KCNN2: variants seen among roughly 807,000 people sequenced by gnomAD.
The protein encoded by KCNN2 is small conductance calcium-activated potassium channel protein 2.
Under a neutral mutation model 55.5 loss-of-function variants are expected in KCNN2, and 24 were observed. The ratio of observed to expected loss-of-function variants is 0.43; its 90% CI spans 0.31 to 0.61. The LOEUF is 0.61. Among genes scored for constraint, KCNN2 ranks in the 20% least tolerant of loss-of-function variants. KCNN2 has a pLI of 0.08. For missense variants in KCNN2, 754 were observed against 853.6 expected, an observed-to-expected ratio of 0.88 and a Z score of 1.45; for synonymous variants, 431 against 336.1, an observed-to-expected ratio of 1.28 and a Z score of -3.09.
intron 1 of KCNN2, among the ~76,000 whole-genome samples, chr5:114,202,587 T>TATATATATA (rs1368706421): frequency 9.1e-5 from 8 of 88,234 alleles, no homozygotes; most frequent in African/African-American, 4.1e-4. Flanking sequence ...ATATATATAT[T>TATATATATA]TTTTTTTTTT....
chr5:114,383,931 T>A (rs995824391), intron 2 of KCNN2, among the ~76,000 whole-genome samples: 2 of 152,260 alleles, frequency 1.3e-5, no homozygotes, highest in African/African-American at 4.8e-5. Flanking sequence ...CAGTAACTAA[T>A]GTGTATCATG....
chr5:114,275,618 C>T (rs944072465), intron 2 of KCNN2, among the ~76,000 whole-genome samples: 8 of 152,016 alleles, frequency 5.3e-5, no homozygotes, highest in Non-Finnish European at 7.4e-5. Flanking sequence ...AGTTTATTTG[C>T]GTAGAGGTAC....
chr5:114,485,697 T>C (rs1477658567), intron 5 of KCNN2, among the ~76,000 whole-genome samples: 4 of 152,174 alleles, frequency 2.6e-5, no homozygotes, highest in East Asian at 3.9e-4. Context: ...CAGAGTCTAA[T>C]AGATATCCAA....
At chr5:114,493,754 A>C (rs549867784) in intron 7 of KCNN2, among the ~76,000 whole-genome samples, 147 of 152,288 alleles carry the variant, frequency 9.7e-4, no homozygotes, top group Middle Eastern at 6.8e-3. Context: ...GAGACAATAC[A>C]TGCGGGATTT....
chr5:114,135,051 G>A (rs1023402958), intron 1 of KCNN2, among the ~76,000 whole-genome samples: 1 of 152,180 alleles, frequency 6.6e-6, no homozygotes, highest in African/African-American at 2.4e-5. Context: ...GCATAAGATG[G>A]AGATGAAAAG....
intron 2 of KCNN2, among the ~76,000 whole-genome samples, chr5:114,238,288 A>G (rs539473975): frequency 6.6e-6 from 1 of 152,310 alleles, no homozygotes; most frequent in Non-Finnish European, 1.5e-5. Flanking sequence ...ATTTCCATGA[A>G]GACCTCTAAT....
At chr5:114,477,076 G>A (rs1044927133) in intron 5 of KCNN2, among the ~76,000 whole-genome samples, 4 of 69,266 alleles carry the variant, frequency 5.8e-5, no homozygotes, top group African/African-American at 1.3e-4. Context: ...TAGTAACTAA[G>A]ATACAAACTC....
intron 2 of KCNN2, among the ~76,000 whole-genome samples, chr5:114,296,088 C>T (rs1397563610): frequency 6.6e-6 from 1 of 152,118 alleles, no homozygotes; most frequent in East Asian, 1.9e-4. Context: ...GTACTCTATC[C>T]TCAGATTATC....
At chr5:114,229,038 GATTA>G (rs1371792490) in intron 2 of KCNN2, among the ~76,000 whole-genome samples, 3 of 151,836 alleles carry the variant, frequency 2.0e-5, no homozygotes, top group African/African-American at 7.2e-5. Flanking sequence ...TAATTGTGTT[GATTA>G]ATTAGTTAGG....
intron 3 of KCNN2, among the ~76,000 whole-genome samples, chr5:114,451,528 T>C (rs1211525017): frequency 6.6e-6 from 1 of 152,002 alleles, no homozygotes; most frequent in African/African-American, 2.4e-5. Context: ...ATGTGCAAAA[T>C]TAAAGGAGCA....
In KCNN2 at chr5:114,334,599, C is replaced by T. The variant is rs79257053; in HGVS notation, c.-184-26346C>T. On this transcript the variant is annotated intron_variant, in intron 2 of 10. Transcript: ENST00000512097. ...TGACTTTCAACTTAAAGTCAGAAGT[C>T]TAAAATCACTTTTACATTTTAGACT... is the stretch of plus-strand genomic sequence containing the variant. Among the ~76,000 whole-genome samples the T allele has an allele frequency of 3.9e-4, 59 of 152,030 alleles. No homozygotes were observed. The East Asian group carries it at 0.01, about 26-fold the overall frequency.
At chr5:114,307,303 A>G (rs1230739690) in intron 2 of KCNN2, among the ~76,000 whole-genome samples, 1 of 152,324 alleles carries the variant, frequency 6.6e-6, no homozygotes, top group South Asian at 2.1e-4. Context: ...AGCAACTGAC[A>G]TTATCATTCT....
intron 1 of KCNN2, among the ~76,000 whole-genome samples, chr5:114,185,564 C>G (rs971923417): frequency 5.3e-5 from 8 of 152,130 alleles, no homozygotes; most frequent in African/African-American, 1.7e-4. Context: ...GTGGAGGATC[C>G]CTGTTTTCCC....
intron 2 of KCNN2, among the ~76,000 whole-genome samples, chr5:114,316,680 A>C (rs904698288): frequency 2.0e-5 from 3 of 152,248 alleles, no homozygotes; most frequent in Admixed American, 1.3e-4. Flanking sequence ...CATATGAAAA[A>C]TGTAACCCAA....
chr5:114,186,710 A>G (rs1753341838), intron 1 of KCNN2, among the ~76,000 whole-genome samples: 1 of 152,224 alleles, frequency 6.6e-6, no homozygotes, highest in Admixed American at 6.5e-5. Context: ...ACGTGATAAA[A>G]ATGGACTTAA....
intron 1 of KCNN2, among the ~76,000 whole-genome samples, chr5:114,186,220 CAG>C: frequency 6.6e-6 from 1 of 152,180 alleles, no homozygotes; most frequent in African/African-American, 2.4e-5. Context: ...TTTTTTGGCT[CAG>C]AATTTGGTGT....
At chr5:114,105,152 T>C (rs764936651) in intron 1 of KCNN2, among the ~76,000 whole-genome samples, 15 of 152,156 alleles carry the variant, frequency 9.9e-5, no homozygotes, top group Middle Eastern at 6.8e-3. Context: ...GCTTGGCAGT[T>C]CTCAGATGGC....
At chr5:114,241,987 C>G (rs995148217) in intron 2 of KCNN2, among the ~76,000 whole-genome samples, 9 of 151,156 alleles carry the variant, frequency 6.0e-5, no homozygotes, top group African/African-American at 2.2e-4. Context: ...GGCTAAAGGG[C>G]CTCCCACAAT....
intron 2 of KCNN2, among the ~76,000 whole-genome samples, chr5:114,272,155 CTCTA>C (rs574562417): frequency 3.3e-4 from 50 of 152,222 alleles, no homozygotes; most frequent in African/African-American, 1.1e-3. Flanking sequence ...TCCTCTCATT[CTCTA>C]TCTGCCACCA....
Sources: allele counts gnomAD v4.1 joint callset (sites outside exome capture counted in the v4.1 genomes callset), GRCh38; gene constraint gnomAD v4.1.1; transcripts MANE v1.5; gene names NCBI Gene and HGNC (gene_info 2026-07-23, HGNC 2026-07-21).